DCHS2: variants seen among roughly 807,000 people sequenced by gnomAD.
The protein encoded by DCHS2 is dachsous cadherin-related 2.
DCHS2 carries 142 observed loss-of-function variants against 182.4 expected under a neutral mutation model. The ratio of observed to expected loss-of-function variants is 0.78; its 90% CI spans 0.68 to 0.89. The LOEUF is 0.89. DCHS2 is among the 40% of genes least tolerant of loss of function. The pLI is 0.00. For synonymous variants in DCHS2, 1,740 were observed against 1,663.3 expected, an observed-to-expected ratio of 1.05 and a Z score of -1.12; for missense variants, 4,319 against 4,198.6, an observed-to-expected ratio of 1.03 and a Z score of -0.79.
intron 3 of DCHS2, among the ~76,000 whole-genome samples, chr4:154,348,993 G>A (rs925712650): frequency 2.0e-5 from 3 of 152,000 alleles, no homozygotes; most frequent in East Asian, 1.9e-4. Flanking sequence ...GCTCATTTGT[G>A]AAATGGAGAT....
chr4:154,455,571 A>T (rs776596753), intron 1 of DCHS2, among the ~76,000 whole-genome samples: 13 of 152,230 alleles, frequency 8.5e-5, no homozygotes, highest in Non-Finnish European at 1.8e-4. Context: ...AAAGGAAATC[A>T]CTTCTGGTGG....
chr4:154,240,443 T>C (rs1731753559), intron 18 of DCHS2, 94 bp downstream of exon 18: 2 of 1,434,784 alleles, frequency 1.4e-6, no homozygotes, highest in East Asian at 2.4e-5. Flanking sequence ...GAATGCTGTC[T>C]ATCTGAATTA....
At chr4:154,303,694 T>C (rs1470572762) in intron 12 of DCHS2, among the ~76,000 whole-genome samples, 1 of 152,158 alleles carries the variant, frequency 6.6e-6, no homozygotes, top group Non-Finnish European at 1.5e-5. Context: ...TTAGTAGGTG[T>C]CCTGGTATTG....
intron 1 of DCHS2, among the ~76,000 whole-genome samples, chr4:154,410,544 C>T (rs1732585866): frequency 7.6e-6 from 1 of 130,736 alleles, no homozygotes; most frequent in South Asian, 2.5e-4. Flanking sequence ...ACCTGTAATC[C>T]CAGTACTTTG....
chr4:154,453,975 T>C (rs933997894), intron 1 of DCHS2, among the ~76,000 whole-genome samples: 1 of 152,244 alleles, frequency 6.6e-6, no homozygotes, highest in African/African-American at 2.4e-5. Flanking sequence ...CAAATACTAA[T>C]ATAGCTCTTA....
Position 154,490,387 on chromosome 4 carries a change from G to C in DCHS2, c.969C>G (p.Arg323=). Residue 323 remains arginine, a synonymous_variant, in exon 1 of 20, where the codon CGC becomes CGG. Transcript: ENST00000357232. The part of the protein sequence containing the change: ...AEVCRVRATD[R]DLGPNGFVRY... ...GCACGAAGCCATTGGGCCCCAGGTC[G>C]CGGTCGGTGGCGCGCACGCGACAGA... 1 of 1,533,612 alleles carries C rather than the reference G, an allele frequency of 6.5e-7. No homozygotes were observed. The highest frequency in any genetic ancestry group is 1.2e-5 in the South Asian group (1 of 83,742).
intron 1 of DCHS2, among the ~76,000 whole-genome samples, chr4:154,407,143 G>A (rs1732432619): frequency 6.6e-6 from 1 of 152,168 alleles, no homozygotes; most frequent in Admixed American, 6.5e-5. Flanking sequence ...GATACACAAG[G>A]AAATGCCCAA....
At chr4:154,255,854 G>T (rs76606877) in intron 15 of DCHS2, among the ~76,000 whole-genome samples, 184 bp from the exon 16 acceptor site, 2 of 152,226 alleles carry the variant, frequency 1.3e-5, no homozygotes, top group African/African-American at 4.8e-5. Flanking sequence ...CTGAGTGATG[G>T]GGGAAATTCT....
rs1578979232 is a variant in DCHS2, at chr4:154,335,165, T to C, written c.2477-61A>G. On this transcript the variant is annotated intron_variant, in intron 3 of 19. Transcript: ENST00000357232. ...ACATGTAATAAATACTGATGAGCAA[T>C]AGTAACACCTGGTCTATTAAGTGTA... 42 of 1,043,244 alleles carry C rather than the reference T, an allele frequency of 4.0e-5. No homozygotes were observed. The East Asian group carries it at 1.0e-3, about 25-fold the overall frequency. The allele number at this position is 1,043,244 out of a possible 1,614,324, so 64.6% of individuals were successfully genotyped here.
chr4:154,421,570 T>G (rs1297415238), intron 1 of DCHS2, among the ~76,000 whole-genome samples: 1 of 152,130 alleles, frequency 6.6e-6, no homozygotes, highest in Non-Finnish European at 1.5e-5. Context: ...AATTTTTGTA[T>G]TTTTAGTAGA....
At chr4:154,326,774 A>C (rs1736300872) in intron 7 of DCHS2, among the ~76,000 whole-genome samples, 1 of 152,124 alleles carries the variant, frequency 6.6e-6, no homozygotes, top group Admixed American at 6.5e-5. Flanking sequence ...TCAATACAAT[A>C]GTGTTTTAAT....
At chr4:154,383,261 C>T (rs1178927375) in intron 1 of DCHS2, among the ~76,000 whole-genome samples, 6 of 152,136 alleles carry the variant, frequency 3.9e-5, no homozygotes, top group African/African-American at 1.4e-4. Flanking sequence ...CTGCAGTTCT[C>T]ACTCATAAGT....
At chr4:154,360,569 A>G (rs930218115) in intron 3 of DCHS2, among the ~76,000 whole-genome samples, 1 of 152,104 alleles carries the variant, frequency 6.6e-6, no homozygotes, top group Non-Finnish European at 1.5e-5. Flanking sequence ...GTGTGGTATT[A>G]ATTTATTAAC....
In DCHS2 at chr4:154,250,556, TC is replaced by T. The variant is rs1228135930; in HGVS notation, c.6941+4962del. ...TACCCAGAATAAAAAAATCATAATCTCCATCTGTTCCTCTCCCTTCCTTTCC... is the reference window on the plus strand; with the variant it reads ...TACCCAGAATAAAAAAATCATAATCTCATCTGTTCCTCTCCCTTCCTTTCC... On this transcript the variant is annotated intron_variant, in intron 16 of 19. Transcript: ENST00000357232. Among the ~76,000 whole-genome samples, 3 of 152,288 alleles carry T rather than the reference TC, an allele frequency of 2.0e-5. No homozygotes were observed. In the East Asian group the frequency reaches 5.8e-4, roughly 29 times the overall value.
rs1331525688 is a variant in DCHS2, at chr4:154,389,019, G to A, written c.2053-11575C>T. 2.0e-5 allele frequency among the ~76,000 whole-genome samples: 3 copies of A among 152,058 alleles called. No individual in the cohort carries two copies. In the East Asian group the frequency reaches 5.8e-4, roughly 29 times the overall value. On this transcript the variant is annotated intron_variant, in intron 1 of 19. Coordinates refer to ENST00000357232, the MANE Select transcript of DCHS2 (RefSeq NM_001358235.2). ...GATGTCTAAACCAGGGGTGAGCAAGGGCCGGACAGTAAATATTTTAGGCTG... is the reference window on the plus strand; with the variant it reads ...GATGTCTAAACCAGGGGTGAGCAAGAGCCGGACAGTAAATATTTTAGGCTG...
chr4:154,435,363 G>A (rs1383078054), intron 1 of DCHS2, among the ~76,000 whole-genome samples: 2 of 152,090 alleles, frequency 1.3e-5, no homozygotes, highest in Non-Finnish European at 2.9e-5. Context: ...TTGGGAGGCC[G>A]AGGCAGGCAG....
chr4:154,388,702 G>A (rs1315693281), intron 1 of DCHS2, among the ~76,000 whole-genome samples: 1 of 151,882 alleles, frequency 6.6e-6, no homozygotes, highest in Non-Finnish European at 1.5e-5. Context: ...CACCGTGTTA[G>A]CCAGGATGGT....
At chr4:154,324,878 A>G (rs1013863450) in intron 7 of DCHS2, among the ~76,000 whole-genome samples, 1 of 152,218 alleles carries the variant, frequency 6.6e-6, no homozygotes, top group African/African-American at 2.4e-5. Flanking sequence ...TGAATATGAT[A>G]CATACCTTTA....
Position 154,236,756 on chromosome 4 carries a change from C to T in DCHS2, c.7896G>A (p.Glu2632=), listed in dbSNP as rs1224275573. The T allele has an allele frequency of 1.2e-6, 2 of 1,613,998 alleles. No homozygotes were observed. Among genetic ancestry groups the T allele is most frequent in the Non-Finnish European group, 1.7e-6 (2 of 1,179,968 alleles). ...SLDREASASH[E]LVILASDSGC... The stretch of plus-strand genomic sequence containing the variant: ...CACTGTCAGATGCCAGAATGACAAG[C>T]TCATGGCTAGCACTTGCTTCTCTGT... Residue 2632 remains glutamate (E), a synonymous_variant, in exon 20 of 20, where the codon GAG becomes GAA. Coordinates refer to ENST00000357232, the MANE Select transcript of DCHS2 (RefSeq NM_001358235.2).
Sources: gnomAD v4.1 joint callset for allele counts (sites outside exome capture counted in the v4.1 genomes callset) on GRCh38, gnomAD v4.1.1 for gene constraint, MANE v1.5 for transcripts, NCBI Gene and HGNC (gene_info 2026-07-23, HGNC 2026-07-21) for gene names.